IZUMO1: variants seen among roughly 807,000 people sequenced by gnomAD.
IZUMO1 encodes izumo sperm-oocyte fusion 1.
Under a neutral mutation model 40.7 loss-of-function variants are expected in IZUMO1, and 44 were observed. That is an observed-to-expected ratio of 1.08 (90% CI 0.85 to 1.39). The LOEUF is 1.39. IZUMO1 is among the 40% of genes most tolerant of loss of function. The pLI, the probability that IZUMO1 is intolerant of heterozygous loss-of-function variation, is 0.00. For missense variants in IZUMO1, 368 were observed against 436.9 expected, an observed-to-expected ratio of 0.84 and a Z score of 1.41; for synonymous variants, 149 against 170.9, an observed-to-expected ratio of 0.87 and a Z score of 1.00.
chr19:48,741,720 GC>G lies in IZUMO1; in HGVS notation c.754+68del. On this transcript the variant is annotated intron_variant, in intron 8 of 9. Transcript: ENST00000332955. The surrounding 1 kb of genome is among the most constrained non-coding windows in gnomAD (Gnocchi z 4.4). ...GTCACGCCCCCATCGCCAAGGCCAC[GC>G]CCCCGCCGCGGACCCCAGCTTTCCT... is the stretch of plus-strand genomic sequence containing the variant. The G allele has an allele frequency of 2.0e-6, 3 of 1,484,334 alleles. No individual in the cohort carries two copies. Among genetic ancestry groups the G allele is most frequent in the Admixed American group, 2.4e-5 (1 of 41,640 alleles). 91.9% of individuals were successfully genotyped at this position (1,484,334 alleles called of 1,614,324 possible).
Position 48,746,782 on chromosome 19 carries a change from GGTT to G in IZUMO1, c.-424_-422del, listed in dbSNP as rs2033897321. ...TTGTGTTGGGGACGAGGGTAAGGTT[GGTT>G]GCGTGAAATCGAGAGCTTTTCGACG... On this transcript the variant is annotated 5_prime_UTR_variant, in exon 1 of 10. Transcript: ENST00000332955. The G allele has an allele frequency of 2.8e-5, 28 of 985,392 alleles. No homozygotes were observed. The South Asian group carries it at 1.2e-3, about 41-fold the overall frequency. 61.0% of individuals were successfully genotyped at this position (985,392 alleles called of 1,614,324 possible). A position where few individuals can be genotyped will look rare whatever the true frequency, so the allele number is the denominator to read the frequency against.
Position 48,745,641 on chromosome 19 carries a change from G to A in IZUMO1, c.219C>T (p.Ala73=). ...TGCCCTCACCAACGACCCCCATATA[G>A]GCATCCTCATTAAGCGACAGTTCCT... ...DFQELSLNED[A]YMGVVDEATL... is the part of the protein sequence containing the mutation. The change falls in exon 2 of 10, where the codon GCC becomes GCT. Residue 73 remains alanine (A), a synonymous_variant. Transcript: ENST00000332955. The A allele has an allele frequency of 6.2e-7, 1 of 1,614,042 alleles. No individual in the cohort carries two copies. The highest frequency in any genetic ancestry group is 8.5e-7 in the Non-Finnish European group (1 of 1,179,998).
In IZUMO1 at chr19:48,742,308, C is replaced by G. The variant is rs748505096; in HGVS notation, c.501G>C (p.Glu167Asp). Residue 167 changes from glutamate (E) to aspartate (D), a missense_variant and splice_region_variant, in exon 7 of 10, where the codon GAG (glutamate) becomes GAC (aspartate). Glu to Asp is a conservative substitution (Grantham distance 45). Coordinates refer to ENST00000332955, the MANE Select transcript of IZUMO1 (RefSeq NM_182575.3). Reference sequence around the variant, plus strand: ...CCATTTGAGGAACTTCCACATTCCGCTCTGGGGGTGGGGGATGACCATGGG... The same window carrying G: ...CCATTTGAGGAACTTCCACATTCCGGTCTGGGGGTGGGGGATGACCATGGG... ...HACRKSYDCG[E>D]RNVEVPQMED... 8.1e-6 allele frequency: 13 copies of G among 1,608,796 alleles called. No homozygotes were observed. Among genetic ancestry groups the G allele is most frequent in the Non-Finnish European group, 1.1e-5 (13 of 1,175,234 alleles).
chr19:48,743,866 C>T (rs972575314), intron 5 of IZUMO1: 6 of 477,574 alleles, frequency 1.3e-5, no homozygotes, highest in African/African-American at 5.9e-5. Context: ...TGGCGGGCAC[C>T]TGTAATCCCA....
At chr19:48,743,116 T>C (rs2033769586) in intron 6 of IZUMO1, 1 of 334,086 alleles carries the variant, frequency 3.0e-6, no homozygotes, top group African/African-American at 2.1e-5. Flanking sequence ...AGTCTCCAAC[T>C]CCTGGGTCCA....
At position 48,745,413 on chromosome 19, in the gene IZUMO1, G is replaced by A. The variant is rs1477372104; in HGVS notation, c.236-125C>T. On this transcript the variant is annotated intron_variant, in intron 2 of 9. Coordinates refer to ENST00000332955, the MANE Select transcript of IZUMO1 (RefSeq NM_182575.3). Reference sequence around the variant, plus strand: ...GGCCTGGTTAAGGACTCAGCCGCCCGTTGCCTTCTGGGAGTTGTAGTTTTA... The same window carrying A: ...GGCCTGGTTAAGGACTCAGCCGCCCATTGCCTTCTGGGAGTTGTAGTTTTA... 7.7e-6 allele frequency: 8 copies of A among 1,036,910 alleles called. No homozygotes were observed. The East Asian group carries it at 1.2e-4, about 16-fold the overall frequency. The allele number at this position is 1,036,910 out of a possible 1,614,324, so 64.2% of individuals were successfully genotyped here.
chr19:48,745,164 C>G (rs1271252993), intron 3 of IZUMO1, 50 bp downstream of exon 3: 1 of 1,483,962 alleles, frequency 6.7e-7, no homozygotes, highest in Non-Finnish European at 9.4e-7. Context: ...GCATCACTAA[C>G]GCTGGCTTCT....
chr19:48,744,310 C>G (rs954812353), intron 4 of IZUMO1, 115 bp from the exon 5 acceptor site: 34 of 1,284,444 alleles, frequency 2.6e-5, no homozygotes, highest in Non-Finnish European at 3.8e-5. Flanking sequence ...CTTTTGGGTT[C>G]GAGGGAGAAA....
chr19:48,745,452 C>T, intron 2 of IZUMO1, 164 bp from the exon 3 acceptor site: 1 of 1,027,988 alleles, frequency 9.7e-7, no homozygotes, highest in Non-Finnish European at 1.4e-6. Flanking sequence ...CATAAAATTG[C>T]CAGCCGAGGA....
chr19:48,743,206 T>A (rs2033772874), intron 6 of IZUMO1: 1 of 527,436 alleles, frequency 1.9e-6, no homozygotes, highest in Non-Finnish European at 3.4e-6. Flanking sequence ...TTTAAATTTT[T>A]TTGTAGAGAT....
chr19:48,745,099 G>T (rs1442139933), intron 3 of IZUMO1, 115 bp downstream of exon 3: 1 of 816,912 alleles, frequency 1.2e-6, no homozygotes, highest in Non-Finnish European at 2.1e-6. Flanking sequence ...GGCAGAGCAG[G>T]CATTGGAATC....
rs547488068 is a variant in IZUMO1, at chr19:48,745,996, C to T, written c.-73-64G>A. 10 of 1,464,264 alleles carry T rather than the reference C, an allele frequency of 6.8e-6. No homozygotes were observed. In the Admixed American group the frequency reaches 1.6e-4, roughly 23 times the overall value. The allele number at this position is 1,464,264 out of a possible 1,614,324, so 90.7% of individuals were successfully genotyped here. On this transcript the variant is annotated intron_variant, in intron 1 of 9. Coordinates refer to ENST00000332955, the MANE Select transcript of IZUMO1 (RefSeq NM_182575.3). ...CACTGGGCCGCCTATCCATGGGGTC[C>T]GCAAACCTCGAAAAGAGGATCTTCA...
chr19:48,742,318 G>T lies in IZUMO1; in HGVS notation c.500-9C>A. ...AACTTCCACATTCCGCTCTGGGGGT[G>T]GGGGATGACCATGGGACACTCATGA... On this transcript the variant is annotated splice_polypyrimidine_tract_variant and intron_variant, in intron 6 of 9. Coordinates refer to ENST00000332955, the MANE Select transcript of IZUMO1 (RefSeq NM_182575.3). The T allele has an allele frequency of 6.3e-7, 1 of 1,589,250 alleles. No individual in the cohort carries two copies. The highest frequency in any genetic ancestry group is 8.6e-7 in the Non-Finnish European group (1 of 1,157,454).
chr19:48,743,616 A>G (rs2033789657), intron 5 of IZUMO1, 91 bp from the exon 6 acceptor site: 2 of 954,922 alleles, frequency 2.1e-6, no homozygotes, highest in South Asian at 1.3e-5. Flanking sequence ...CAGATCATCT[A>G]TGACATTCCT....
intron 4 of IZUMO1, 26 bp downstream of exon 4, chr19:48,744,427 G>A (rs748994579): frequency 1.0e-5 from 16 of 1,552,752 alleles, no homozygotes; most frequent in Admixed American, 3.3e-5. Context: ...AGGAGCTGGG[G>A]GACACCGACT....
chr19:48,741,324 T>C lies in IZUMO1; in HGVS notation c.909A>G (p.Ala303=), dbSNP rs140453631. The part of the protein sequence containing the change: ...LLGLLICGSL[A]LITGLTFAIF... ...ACGCAAAGGTAAGGCCGGTTATCAGTGCTAGGGAGCCGCAGATCAGCAGCC... is the reference window on the plus strand; with the variant it reads ...ACGCAAAGGTAAGGCCGGTTATCAGCGCTAGGGAGCCGCAGATCAGCAGCC... The change falls in exon 9 of 10, where the codon GCA becomes GCG. Residue 303 remains alanine, a synonymous_variant. Coordinates refer to ENST00000332955, the MANE Select transcript of IZUMO1 (RefSeq NM_182575.3). This position sits in a 1 kb window ranked among gnomAD's most constrained non-coding sequence, Gnocchi z 4.4. 878 of 1,607,970 alleles carry C rather than the reference T, an allele frequency of 5.5e-4. 4 individuals carry two copies. The African/African-American group carries it at 0.01, about 19-fold the overall frequency.
intron 6 of IZUMO1, among the ~76,000 whole-genome samples, 184 bp from the exon 7 acceptor site, chr19:48,742,493 G>A (rs532216369): frequency 1.3e-5 from 2 of 151,928 alleles, no homozygotes; most frequent in Admixed American, 6.6e-5. Context: ...GACTACAGGC[G>A]CTTGCCACCA....
At position 48,741,528 on chromosome 19, in the gene IZUMO1, C is replaced by T. The variant is rs761072642; in HGVS notation, c.755-50G>A. Reference sequence around the variant, plus strand: ...GTCCTGGCAGGGCGTGGAGTTCCTGCCCTGGCAAAGACAAGCCCGTCCCAG... The same window carrying T: ...GTCCTGGCAGGGCGTGGAGTTCCTGTCCTGGCAAAGACAAGCCCGTCCCAG... On this transcript the variant is annotated intron_variant, in intron 8 of 9. Transcript: ENST00000332955. The surrounding 1 kb of genome is among the most constrained non-coding windows in gnomAD (Gnocchi z 4.4). 30 of 1,562,214 alleles carry T rather than the reference C, an allele frequency of 1.9e-5. No homozygotes were observed. The African/African-American group carries it at 3.7e-4, about 19-fold the overall frequency.
chr19:48,745,383 A>G (rs12982115), intron 2 of IZUMO1, 95 bp from the exon 3 acceptor site: 543,709 of 1,206,078 alleles, frequency 0.45, 128,796 homozygotes, highest in East Asian at 0.85. Context: ...CACTGGGCAA[A>G]GATAGGCCTG....
Sources: allele counts gnomAD v4.1 joint callset (sites outside exome capture counted in the v4.1 genomes callset), GRCh38; gene constraint gnomAD v4.1.1; non-coding constraint Gnocchi (gnomAD v3.1); transcripts MANE v1.5; gene names NCBI Gene and HGNC (gene_info 2026-07-23, HGNC 2026-07-21).